The following DOCK8 variants were observed in gnomAD, a reference collection of about 807,000 sequenced individuals.
DOCK8 encodes dedicator of cytokinesis protein 8.
Under a neutral mutation model 245.6 loss-of-function variants are expected in DOCK8, and 141 were observed. That is an observed-to-expected ratio of 0.57 (90% CI 0.50 to 0.66). DOCK8 has a LOEUF of 0.66. DOCK8 is among the 30% of genes least tolerant of loss of function. DOCK8 has a pLI of 0.00. For missense variants in DOCK8, 2,965 were observed against 2,603.4 expected, an observed-to-expected ratio of 1.14 and a Z score of -3.02; for synonymous variants, 1,168 against 970.2, an observed-to-expected ratio of 1.20 and a Z score of -3.79.
intron 26 of DOCK8, among the ~76,000 whole-genome samples, chr9:403,946 GTATATATATATATGTATA>G (rs769532643): frequency 0.014 from 1,042 of 76,198 alleles, 15 homozygotes; most frequent in East Asian, 0.058. Flanking sequence ...ATATATATGT[GTATATATATATATGTATA>G]TATATATATA....
intron 25 of DOCK8, among the ~76,000 whole-genome samples, chr9:398,174 C>T (rs1346955931): frequency 6.6e-6 from 1 of 152,178 alleles, no homozygotes; most frequent in African/African-American, 2.4e-5. Flanking sequence ...ATAAATTTTC[C>T]AAAAGTCACA....
chr9:295,286 G>A (rs996632202), intron 4 of DOCK8, among the ~76,000 whole-genome samples: 6 of 152,154 alleles, frequency 3.9e-5, no homozygotes, highest in Non-Finnish European at 8.8e-5. Flanking sequence ...GTCTGGGAGT[G>A]GGGAAGAGGG....
chr9:249,339 C>T (rs926213970), intron 1 of DOCK8, among the ~76,000 whole-genome samples: 2 of 152,194 alleles, frequency 1.3e-5, no homozygotes, highest in Non-Finnish European at 1.5e-5. Context: ...CCTCTGACCA[C>T]AGCCTGTGAC....
intron 1 of DOCK8, among the ~76,000 whole-genome samples, chr9:222,447 C>T (rs989007880): frequency 1.8e-4 from 28 of 152,156 alleles, no homozygotes; most frequent in African/African-American, 6.0e-4. Flanking sequence ...GCCAAATTGA[C>T]GCCCAGAAAA....
intron 28 of DOCK8, among the ~76,000 whole-genome samples, chr9:408,519 A>G (rs1418976183): frequency 6.6e-6 from 1 of 152,218 alleles, no homozygotes; most frequent in East Asian, 1.9e-4. Flanking sequence ...TACAACTAAC[A>G]TAAATTTCCA....
At chr9:389,592 C>CCAGCAGCAG (rs113659484) in intron 23 of DOCK8, among the ~76,000 whole-genome samples, 1 of 151,134 alleles carries the variant, frequency 6.6e-6, no homozygotes, top group African/African-American at 2.4e-5. Context: ...TAACCCTGGA[C>CCAGCAGCAG]CAGCAGCAGC....
At chr9:400,351 ACCT>A (rs1243889994) in intron 26 of DOCK8, among the ~76,000 whole-genome samples, 4 of 63,530 alleles carry the variant, frequency 6.3e-5, no homozygotes, top group Admixed American at 1.6e-4. Flanking sequence ...CACCACCACC[ACCT>A]CCTCCACCAT....
chr9:416,695 CT>C (rs1176075458), intron 29 of DOCK8, among the ~76,000 whole-genome samples: 13 of 152,152 alleles, frequency 8.5e-5, no homozygotes, highest in African/African-American at 2.9e-4. Flanking sequence ...TATAAGTGAC[CT>C]TTGAAAGGCT....
At chr9:364,142 A>G (rs1210075281) in intron 14 of DOCK8, among the ~76,000 whole-genome samples, 1 of 152,184 alleles carries the variant, frequency 6.6e-6, no homozygotes, top group African/African-American at 2.4e-5. Context: ...ACAGGTTTCT[A>G]ACTGAAACAA....
chr9:301,179 G>C (rs527796405), intron 4 of DOCK8, among the ~76,000 whole-genome samples: 12 of 152,230 alleles, frequency 7.9e-5, no homozygotes, highest in Admixed American at 7.8e-4. Context: ...ATGCGAGGTT[G>C]GTTCACCATA....
chr9:225,597 T>C (rs2046972812), intron 1 of DOCK8, among the ~76,000 whole-genome samples: 1 of 152,192 alleles, frequency 6.6e-6, no homozygotes, highest in African/African-American at 2.4e-5. Flanking sequence ...GCTTATAGCC[T>C]ACTATGTGCC....
intron 26 of DOCK8, among the ~76,000 whole-genome samples, chr9:402,745 A>G (rs1420209813): frequency 1.3e-5 from 2 of 152,200 alleles, no homozygotes; most frequent in Non-Finnish European, 2.9e-5. Flanking sequence ...CATTTCCTCA[A>G]TTACTGTCTG....
rs550676754 is a variant in DOCK8 at position 237,989 on chromosome 9, G to A, written c.53+22960G>A. Among the ~76,000 whole-genome samples the A allele has an allele frequency of 2.6e-4, 40 of 152,156 alleles. 1 individual carries two copies. In the South Asian group the frequency reaches 8.3e-3, roughly 32 times the overall value. On this transcript the variant is annotated intron_variant, in intron 1 of 47. Coordinates refer to ENST00000432829, the MANE Select transcript of DOCK8 (RefSeq NM_203447.4). ...TTGTGGAATAGCTGAGTTATAGTCC[G>A]GCCCCTCCTCTGTAGAGGAGGATTT...
chr9:354,921 G>A (rs974007578), intron 14 of DOCK8, among the ~76,000 whole-genome samples: 6 of 152,130 alleles, frequency 3.9e-5, no homozygotes, highest in Non-Finnish European at 5.9e-5. Context: ...ACGTCGTATT[G>A]ACTTTTGTCA....
chr9:426,628 A>T (rs555133554), intron 33 of DOCK8, among the ~76,000 whole-genome samples: 6 of 152,260 alleles, frequency 3.9e-5, no homozygotes, highest in African/African-American at 1.4e-4. Context: ...CCATAGTGTT[A>T]TTTTTATAAT....
chr9:234,884 T>C (rs562623554), intron 1 of DOCK8, among the ~76,000 whole-genome samples: 30 of 152,338 alleles, frequency 2.0e-4, no homozygotes, highest in Non-Finnish European at 3.2e-4. Flanking sequence ...TCTGAAGCCT[T>C]CTTCTCTCAA....
chr9:364,231 C>T (rs956951727), intron 14 of DOCK8, among the ~76,000 whole-genome samples: 3 of 152,082 alleles, frequency 2.0e-5, no homozygotes, highest in Non-Finnish European at 4.4e-5. Flanking sequence ...ACCATGCACC[C>T]ATTAAAATCA....
intron 14 of DOCK8, among the ~76,000 whole-genome samples, chr9:355,164 A>G: frequency 6.7e-6 from 1 of 148,786 alleles, no homozygotes; most frequent in East Asian, 2.0e-4. Context: ...AAGTGTTCCC[A>G]TCAGACTGGT....
chr9:294,800 A>C (rs1395972310), intron 4 of DOCK8, among the ~76,000 whole-genome samples: 1 of 152,224 alleles, frequency 6.6e-6, no homozygotes, highest in Non-Finnish European at 1.5e-5. Flanking sequence ...CAGCAGTGAA[A>C]TGGAACAAAC....
Sources: gnomAD v4.1 joint callset for allele counts (sites outside exome capture counted in the v4.1 genomes callset) on GRCh38, gnomAD v4.1.1 for gene constraint, MANE v1.5 for transcripts, NCBI Gene and HGNC (gene_info 2026-07-23, HGNC 2026-07-21) for gene names.